Variants in IDE observed in about 807,000 individuals in gnomAD.
IDE encodes insulin degrading enzyme, also known as insulin-degrading enzyme.
Under a neutral mutation model 133.2 loss-of-function variants are expected in IDE, and 58 were observed. The observed-to-expected ratio is 0.44, with a 90% CI of 0.35 to 0.54. The LOEUF (loss-of-function observed/expected upper bound fraction) is 0.54. Among genes scored for constraint, IDE ranks in the 20% least tolerant of loss-of-function variants. The pLI, the probability that IDE is intolerant of heterozygous loss-of-function variation, is 0.00. For synonymous variants in IDE, 396 were observed against 421.3 expected (o/e 0.94, Z 0.73); for missense variants, 981 against 1,234.0 (o/e 0.79, Z 3.07).
chr10:92,484,148 C>CA lies in IDE; in HGVS notation c.1657-812dup, dbSNP rs367723250. 4.9e-3 allele frequency among the ~76,000 whole-genome samples: 742 copies of CA among 152,290 alleles called. 8 individuals carry two copies. Among genetic ancestry groups the CA allele is most frequent in the African/African-American group, 0.017 (706 of 41,558 alleles). ...GTGTGAGGGCCAGGCGCGGTGGCTT[C>CA]ACTCCTATAATCCCAGCACTTTGGG... On this transcript the variant is annotated intron_variant, in intron 13 of 24. Transcript: ENST00000265986.
At chr10:92,550,158 CTAAGTAAA>C (rs1019764276) in intron 1 of IDE, among the ~76,000 whole-genome samples, 20 of 151,726 alleles carry the variant, frequency 1.3e-4, no homozygotes, top group Middle Eastern at 3.4e-3. Context: ...ATCTCAAAAA[CTAAGTAAA>C]TAAGTAAATA....
At chr10:92,498,964 A>AT in intron 11 of IDE, among the ~76,000 whole-genome samples, 2 of 152,248 alleles carry the variant, frequency 1.3e-5, no homozygotes, top group South Asian at 4.1e-4. Context: ...ATTTAGGCTG[A>AT]TTTTTCCCCC....
Position 92,453,464 on chromosome 10 carries a change from A to T in IDE, c.*980T>A, listed in dbSNP as rs1451624576. 1 of 152,184 alleles carries T rather than the reference A, an allele frequency of 6.6e-6. No individual in the cohort carries two copies. The highest frequency in any genetic ancestry group is 2.4e-5 in the African/African-American group (1 of 41,458). 9.4% of individuals were successfully genotyped at this position (152,184 alleles called of 1,614,324 possible). On this transcript the variant is annotated 3_prime_UTR_variant, in exon 25 of 25. Coordinates refer to ENST00000265986, the MANE Select transcript of IDE (RefSeq NM_004969.4). The stretch of plus-strand genomic sequence containing the variant: ...CAAGGCTTTACTTTTTATATTTCCA[A>T]AAAGGTGGCTTTGTATTGGCTGCCT...
rs1373200709 is a variant in IDE, at chr10:92,469,004, T to C, written c.2209-14A>G. 1 of 1,399,452 alleles carries C rather than the reference T, an allele frequency of 7.1e-7. No individual in the cohort carries two copies. The highest frequency in any genetic ancestry group is 1.0e-6 in the Non-Finnish European group (1 of 984,390). 86.7% of individuals were successfully genotyped at this position (1,399,452 alleles called of 1,614,324 possible). On this transcript the variant is annotated splice_polypyrimidine_tract_variant and intron_variant, in intron 18 of 24. Transcript: ENST00000265986. ...TCCTAATGCAGCCTATGGAAAAAGA[T>C]ATGTCCCAGCATATTACAAAAACAT...
rs973370933 is a variant in IDE at position 92,508,909 on chromosome 10, A to C, written c.898-19T>G. On this transcript the variant is annotated intron_variant, in intron 6 of 24. Transcript: ENST00000265986. Reference sequence around the variant, plus strand: ...AAAGTTGCTGGAGAAAACAAATCACAGAGATTAGCTATATACGACTCCTAC... The same window carrying C: ...AAAGTTGCTGGAGAAAACAAATCACCGAGATTAGCTATATACGACTCCTAC... 6.3e-7 allele frequency: 1 copy of C among 1,596,266 alleles called. No individual in the cohort carries two copies. The highest frequency in any genetic ancestry group is 1.3e-5 in the African/African-American group (1 of 74,616).
intron 11 of IDE, among the ~76,000 whole-genome samples, chr10:92,497,466 A>G (rs1847772414): frequency 6.6e-6 from 1 of 152,174 alleles, no homozygotes; most frequent in South Asian, 2.1e-4. Context: ...CATTTAATAT[A>G]AGGGACTTGA....
intron 4 of IDE, among the ~76,000 whole-genome samples, chr10:92,517,158 CCT>C (rs1044565133): frequency 6.6e-6 from 1 of 151,766 alleles, no homozygotes; most frequent in African/African-American, 2.4e-5. Flanking sequence ...TGGGAAAGTC[CCT>C]CTTTCATGAA....
chr10:92,565,829 C>T (rs1263144373), intron 1 of IDE, among the ~76,000 whole-genome samples: 1 of 152,054 alleles, frequency 6.6e-6, no homozygotes, highest in African/African-American at 2.4e-5. Flanking sequence ...CCTGTTTTAA[C>T]GTCCCCATCT....
intron 11 of IDE, among the ~76,000 whole-genome samples, chr10:92,493,478 TA>T (rs1222770922): frequency 6.6e-6 from 1 of 151,424 alleles, no homozygotes; most frequent in Non-Finnish European, 1.5e-5. Flanking sequence ...AAGAAAACCT[TA>T]AACTCAGTTC....
At chr10:92,517,580 T>A (rs938822259) in intron 4 of IDE, among the ~76,000 whole-genome samples, 2 of 152,152 alleles carry the variant, frequency 1.3e-5, no homozygotes, top group African/African-American at 2.4e-5. Context: ...GCTATTTTTT[T>A]AATTATTTTT....
intron 1 of IDE, among the ~76,000 whole-genome samples, chr10:92,547,219 A>G (rs2135740605): frequency 6.7e-6 from 1 of 150,260 alleles, no homozygotes; most frequent in East Asian, 2.0e-4. Flanking sequence ...GACTACAGGC[A>G]TACGCCACCA....
intron 23 of IDE, 46 bp from the exon 24 acceptor site, chr10:92,455,689 T>TA: frequency 9.6e-7 from 1 of 1,040,062 alleles, no homozygotes; most frequent in Admixed American, 2.2e-5. Flanking sequence ...ATTGATACTA[T>TA]CACAAAAGAA....
chr10:92,524,446 T>TGTATATTATA (rs1849465005), intron 4 of IDE, among the ~76,000 whole-genome samples: 1 of 42,968 alleles, frequency 2.3e-5, no homozygotes, highest in Non-Finnish European at 4.0e-5. Flanking sequence ...TATAATATAT[T>TGTATATTATA]TTATATATTA....
At chr10:92,528,566 T>G (rs1476342401) in intron 4 of IDE, among the ~76,000 whole-genome samples, 1 of 152,076 alleles carries the variant, frequency 6.6e-6, no homozygotes, top group African/African-American at 2.4e-5. Context: ...AACACATATA[T>G]GTACTCTGAA....
chr10:92,492,719 T>C (rs79856280), intron 11 of IDE, among the ~76,000 whole-genome samples: 2,941 of 152,278 alleles, frequency 0.019, 45 homozygotes, highest in Admixed American at 0.052. Flanking sequence ...GAAAGCCTAG[T>C]ACTTGCAATC....
At chr10:92,519,880 G>A (rs1465175108) in intron 4 of IDE, among the ~76,000 whole-genome samples, 2 of 152,188 alleles carry the variant, frequency 1.3e-5, no homozygotes, top group East Asian at 3.8e-4. Context: ...TGAGGCAGGC[G>A]GATCACCTGA....
intron 5 of IDE, among the ~76,000 whole-genome samples, chr10:92,510,750 T>G (rs532056685): frequency 6.8e-6 from 1 of 147,290 alleles, no homozygotes; most frequent in Non-Finnish European, 1.5e-5. Context: ...ATATAGCACA[T>G]ACATCTCACA....
chr10:92,461,372 T>G, intron 21 of IDE, 120 bp from the exon 22 acceptor site: 1 of 502,694 alleles, frequency 2.0e-6, no homozygotes, highest in Admixed American at 3.4e-5. Flanking sequence ...TATTTTTTTT[T>G]GAGACAGAGT....
At chr10:92,527,780 G>A (rs537214445) in intron 4 of IDE, among the ~76,000 whole-genome samples, 7 of 152,318 alleles carry the variant, frequency 4.6e-5, no homozygotes, top group Admixed American at 3.9e-4. Flanking sequence ...ACTTTGAGAG[G>A]CCAAGGCGGG....
Sources: gnomAD v4.1 joint callset for allele counts (sites outside exome capture counted in the v4.1 genomes callset) on GRCh38, gnomAD v4.1.1 for gene constraint, MANE v1.5 for transcripts, NCBI Gene and HGNC (gene_info 2026-07-23, HGNC 2026-07-21) for gene names.